The following NTRK3 variants were observed in gnomAD, a reference collection of about 807,000 sequenced individuals.
NTRK3 encodes the protein NT-3 growth factor receptor.
In NTRK3, 24 loss-of-function variants were observed where a neutral mutation model predicts 91.7. The ratio of observed to expected loss-of-function variants is 0.26; its 90% CI spans 0.19 to 0.37. The LOEUF (loss-of-function observed/expected upper bound fraction) is 0.37, where lower values mean the gene tolerates loss of function less well. Among genes scored for constraint, NTRK3 ranks in the 10% least tolerant of loss-of-function variants. The pLI is 1.00. For synonymous variants in NTRK3, 483 were observed against 404.0 expected (o/e 1.20, Z -2.34); for missense variants, 880 against 1,068.9 (o/e 0.82, Z 2.46).
At chr15:88,043,501 G>A (rs1596937429) in intron 13 of NTRK3, among the ~76,000 whole-genome samples, 1 of 152,168 alleles carries the variant, frequency 6.6e-6, no homozygotes, top group South Asian at 2.1e-4. Flanking sequence ...ATCACTTGAG[G>A]TCATGCAGTG....
At chr15:88,035,083 CA>C (rs1356522643) in intron 13 of NTRK3, among the ~76,000 whole-genome samples, 1 of 151,990 alleles carries the variant, frequency 6.6e-6, no homozygotes, top group Non-Finnish European at 1.5e-5. Flanking sequence ...TAAGATAGTT[CA>C]ATAATATTTT....
At position 88,141,092 on chromosome 15, in the gene NTRK3, T is replaced by C. The variant is rs79324836; in HGVS notation, c.465-3531A>G. On this transcript the variant is annotated intron_variant, in intron 6 of 18. Coordinates refer to ENST00000394480, the Ensembl canonical transcript of NTRK3. ...AAGAGAGGACACATTACGAATGAGG[T>C]TGGGATGGGGGTGAGGCTGGGGAGG... 2.9e-3 allele frequency among the ~76,000 whole-genome samples: 431 copies of C among 150,912 alleles called. 7 individuals carry two copies. The East Asian group carries it at 0.032, about 11-fold the overall frequency.
chr15:88,029,771 T>G (rs977578859), intron 14 of NTRK3, among the ~76,000 whole-genome samples: 1 of 152,224 alleles, frequency 6.6e-6, no homozygotes, highest in African/African-American at 2.4e-5. Context: ...GCATGTGGCT[T>G]TAATTATTTA....
At chr15:88,171,174 A>C (rs531035247) in intron 5 of NTRK3, among the ~76,000 whole-genome samples, 1 of 152,332 alleles carries the variant, frequency 6.6e-6, no homozygotes, top group African/African-American at 2.4e-5. Flanking sequence ...ATGGAGGCTT[A>C]AGAACCAGCA....
At chr15:88,077,281 G>A (rs1454102315) in intron 13 of NTRK3, among the ~76,000 whole-genome samples, 2 of 151,910 alleles carry the variant, frequency 1.3e-5, no homozygotes, top group Non-Finnish European at 2.9e-5. Flanking sequence ...CACTTTCTCT[G>A]TTCTCAGCAA....
At chr15:87,967,307 G>A (rs1431309504) in intron 14 of NTRK3, among the ~76,000 whole-genome samples, 1 of 152,164 alleles carries the variant, frequency 6.6e-6, no homozygotes, top group African/African-American at 2.4e-5. Flanking sequence ...GATGAGACAG[G>A]TCCCTCTGCT....
rs916593668 is a variant in NTRK3 at position 88,240,083 on chromosome 15, G to T, written c.248+15823C>A. The stretch of plus-strand genomic sequence containing the variant: ...ACACACACACACACACAGGAACAAG[G>T]TTCCCACGCACCTGTGTGCAGGAGC... On this transcript the variant is annotated intron_variant, in intron 3 of 18. Coordinates refer to ENST00000394480, the Ensembl canonical transcript of NTRK3. The surrounding 1 kb of genome is among the most constrained non-coding windows in gnomAD (Gnocchi z 4.9). Among the ~76,000 whole-genome samples, 7 of 151,646 alleles carry T rather than the reference G, an allele frequency of 4.6e-5. No individual in the cohort carries two copies. Among genetic ancestry groups the T allele is most frequent in the East Asian group, 1.9e-4 (1 of 5,166 alleles).
chr15:88,082,571 G>T (rs1014386797), intron 13 of NTRK3, among the ~76,000 whole-genome samples: 1 of 152,098 alleles, frequency 6.6e-6, no homozygotes, highest in African/African-American at 2.4e-5. Context: ...GATTAGTTTT[G>T]CTTATTTCTG....
At chr15:88,249,770 G>T (rs950076978) in intron 3 of NTRK3, among the ~76,000 whole-genome samples, 1 of 152,126 alleles carries the variant, frequency 6.6e-6, no homozygotes, top group Non-Finnish European at 1.5e-5. Context: ...GGGCCACCAG[G>T]AGGATTTGTG....
chr15:87,883,265 A>G (rs2065351608), intron 17 of NTRK3, among the ~76,000 whole-genome samples: 1 of 149,510 alleles, frequency 6.7e-6, no homozygotes, highest in South Asian at 2.1e-4. Context: ...TATTAAATTT[A>G]TATCATAATT....
intron 16 of NTRK3, among the ~76,000 whole-genome samples, chr15:87,932,327 TA>T (rs2068873464): frequency 6.6e-6 from 1 of 152,172 alleles, no homozygotes; most frequent in African/African-American, 2.4e-5. Flanking sequence ...CCCTGTATGG[TA>T]AAAACTAGCC....
chr15:88,113,311 C>CTTTTTTTT (rs60232101), intron 13 of NTRK3, among the ~76,000 whole-genome samples: 18 of 111,630 alleles, frequency 1.6e-4, no homozygotes, highest in African/African-American at 2.2e-4. Context: ...TGATCAATTT[C>CTTTTTTTT]TTTTTTTTTT....
At chr15:88,187,956 C>A (rs1402376225) in intron 3 of NTRK3, among the ~76,000 whole-genome samples, 2 of 151,712 alleles carry the variant, frequency 1.3e-5, no homozygotes, top group Non-Finnish European at 2.9e-5. Flanking sequence ...AAGAAAAAAT[C>A]AATACCTATT....
At chr15:88,057,502 GA>G (rs34799886) in intron 13 of NTRK3, among the ~76,000 whole-genome samples, 43,686 of 139,924 alleles carry the variant, frequency 0.31, 6,757 homozygotes, top group Non-Finnish European at 0.38. Context: ...CCTCTAAAAA[GA>G]AAAAAAAAAA....
intron 13 of NTRK3, among the ~76,000 whole-genome samples, chr15:88,062,009 A>C (rs2142495802): frequency 6.6e-6 from 1 of 152,360 alleles, no homozygotes; most frequent in East Asian, 1.9e-4. Flanking sequence ...AAAATTAACA[A>C]AATAAAAAAT....
chr15:87,925,209 T>C (rs866210224), intron 17 of NTRK3, among the ~76,000 whole-genome samples: 22 of 152,192 alleles, frequency 1.4e-4, no homozygotes, highest in South Asian at 4.1e-4. Context: ...CGCTCTGGTG[T>C]TCTGGTGTGG....
exon 19 of NTRK3, chr15:87,866,386 C>G (rs369669672): frequency 5.7e-6 from 1 of 176,192 alleles, no homozygotes; most frequent in Non-Finnish European, 1.2e-5. Flanking sequence ...CAATATGGAA[C>G]TATCCCCAGC....
chr15:88,075,498 A>G (rs1158110934), intron 13 of NTRK3, among the ~76,000 whole-genome samples: 1 of 152,044 alleles, frequency 6.6e-6, no homozygotes, highest in Non-Finnish European at 1.5e-5. Flanking sequence ...CCTGAGCCCC[A>G]CTGTGTCCCT....
intron 13 of NTRK3, among the ~76,000 whole-genome samples, chr15:88,078,553 C>A (rs776150883): frequency 6.6e-6 from 1 of 152,118 alleles, no homozygotes. Flanking sequence ...AGGAGGCTGA[C>A]GCAGGAGAAT....
Sources: gnomAD v4.1 joint callset for allele counts (sites outside exome capture counted in the v4.1 genomes callset) on GRCh38, gnomAD v4.1.1 for gene constraint, Gnocchi (gnomAD v3.1) non-coding constraint, MANE v1.5 for transcripts, NCBI Gene and HGNC (gene_info 2026-07-23, HGNC 2026-07-21) for gene names.